AUTS2: variants seen among roughly 807,000 people sequenced by gnomAD.
AUTS2 encodes the protein autism susceptibility gene 2 protein.
Under a neutral mutation model 112.4 loss-of-function variants are expected in AUTS2, and 17 were observed. That is an observed-to-expected ratio of 0.15 (90% confidence interval 0.10 to 0.23). AUTS2 has a LOEUF of 0.23. Among genes scored for constraint, AUTS2 ranks in the 10% least tolerant of loss-of-function variants. AUTS2 has a pLI of 1.00. For synonymous variants in AUTS2, 751 were observed against 702.7 expected (o/e 1.07, Z -1.09); for missense variants, 1,510 against 1,701.6 (o/e 0.89, Z 1.98).
In AUTS2 at chr7:70,311,544, T is replaced by G. The variant is rs572009119; in HGVS notation, c.661-124208T>G. ...ATGGGGAAATCTCTTTTTGTTGTTG[T>G]TTTTTGTTTTGTTTTGTTTTGTTTT... On this transcript the variant is annotated intron_variant, in intron 4 of 18. Transcript: ENST00000342771. 3.9e-5 allele frequency among the ~76,000 whole-genome samples: 6 copies of G among 152,178 alleles called. No homozygotes were observed. The East Asian group carries it at 5.8e-4, about 15-fold the overall frequency.
At chr7:70,733,589 T>C (rs73445004) in intron 6 of AUTS2, among the ~76,000 whole-genome samples, 2,442 of 140,568 alleles carry the variant, frequency 0.017, 52 homozygotes, top group African/African-American at 0.061. Context: ...TCTACGTTAG[T>C]TTTTTGGGTT....
intron 5 of AUTS2, among the ~76,000 whole-genome samples, chr7:70,649,729 C>T (rs889768133): frequency 2.0e-5 from 3 of 152,010 alleles, no homozygotes; most frequent in African/African-American, 7.2e-5. Flanking sequence ...GGGCCTTCAC[C>T]ATGTTGGCCA....
At chr7:70,367,011 A>C (rs935391056) in intron 4 of AUTS2, among the ~76,000 whole-genome samples, 1 of 152,164 alleles carries the variant, frequency 6.6e-6, no homozygotes, top group Non-Finnish European at 1.5e-5. Context: ...TGGGCTGGGC[A>C]TGGTGGCTCA....
At chr7:70,165,528 C>T (rs1808335549) in intron 4 of AUTS2, among the ~76,000 whole-genome samples, 2 of 151,914 alleles carry the variant, frequency 1.3e-5, no homozygotes, top group Non-Finnish European at 2.9e-5. Context: ...GAACAAATAC[C>T]CTCAACCTAG....
intron 1 of AUTS2, among the ~76,000 whole-genome samples, chr7:69,712,728 G>T (rs1798386069): frequency 6.6e-6 from 1 of 151,946 alleles, no homozygotes; most frequent in East Asian, 1.9e-4. Context: ...GTTTCTCTTG[G>T]GTGATTATGT....
At chr7:70,590,341 C>T (rs141525242) in intron 5 of AUTS2, among the ~76,000 whole-genome samples, 231 of 152,218 alleles carry the variant, frequency 1.5e-3, no homozygotes, top group African/African-American at 4.8e-3. Flanking sequence ...GCCAAGTTCA[C>T]GGGCTGGTGA....
chr7:69,901,166 A>G (rs1015845299), intron 2 of AUTS2, among the ~76,000 whole-genome samples: 4 of 152,162 alleles, frequency 2.6e-5, no homozygotes, highest in African/African-American at 7.2e-5. Context: ...CCTAAGTTCT[A>G]TAAAAGGTGA....
intron 5 of AUTS2, among the ~76,000 whole-genome samples, chr7:70,628,001 A>G (rs1805039535): frequency 1.3e-5 from 2 of 152,284 alleles, no homozygotes; most frequent in South Asian, 4.2e-4. Flanking sequence ...CCCGTCTTTC[A>G]CCTGGCTGAT....
intron 2 of AUTS2, among the ~76,000 whole-genome samples, chr7:69,918,438 T>C (rs1165745860): frequency 6.6e-6 from 1 of 152,206 alleles, no homozygotes; most frequent in African/African-American, 2.4e-5. Flanking sequence ...AGTCTTTTCA[T>C]TGTTACGAGG....
chr7:70,082,120 C>T (rs981716191), intron 2 of AUTS2, among the ~76,000 whole-genome samples: 3 of 152,086 alleles, frequency 2.0e-5, no homozygotes, highest in African/African-American at 7.2e-5. Flanking sequence ...GGTTCCCTAC[C>T]TCTAAGATCC....
At chr7:69,997,142 A>T (rs1387305565) in intron 2 of AUTS2, among the ~76,000 whole-genome samples, 5 of 152,156 alleles carry the variant, frequency 3.3e-5, no homozygotes, top group African/African-American at 1.2e-4. Context: ...GAGCTGGCTT[A>T]ATTTATTTAA....
At chr7:69,608,122 T>G (rs1481248967) in intron 1 of AUTS2, among the ~76,000 whole-genome samples, 6 of 151,986 alleles carry the variant, frequency 3.9e-5, no homozygotes, top group Non-Finnish European at 7.4e-5. Context: ...TTTGTAGAGA[T>G]AGAGTTTTGC....
intron 1 of AUTS2, among the ~76,000 whole-genome samples, chr7:69,878,932 G>A (rs1429992830): frequency 6.6e-6 from 1 of 152,182 alleles, no homozygotes; most frequent in African/African-American, 2.4e-5. Flanking sequence ...CTCTTTCTGT[G>A]TTCTTACAGC....
At position 70,011,314 on chromosome 7, in the gene AUTS2, TCTCTCCTCTCCTCTC is replaced by T. The variant is rs71068006; in HGVS notation, c.523-106781_523-106767del. 3.3e-3 allele frequency among the ~76,000 whole-genome samples: 362 copies of T among 110,566 alleles called. 6 individuals are homozygous for T. In the Middle Eastern group the frequency reaches 0.048, roughly 15 times the overall value. 72.5% of individuals were successfully genotyped at this position (110,566 alleles called of 152,430 possible). On this transcript the variant is annotated intron_variant, in intron 2 of 18. Coordinates refer to ENST00000342771, the MANE Select transcript of AUTS2 (RefSeq NM_015570.4). ...TAGCCTCACCTCTCCTCTCCTTTCC[TCTCTCCTCTCCTCTC>T]CTCTCCTCTCCTCTCCTCTCCTCTC...
intron 4 of AUTS2, among the ~76,000 whole-genome samples, chr7:70,429,739 A>T (rs953434580): frequency 2.0e-5 from 3 of 152,210 alleles, no homozygotes; most frequent in African/African-American, 4.8e-5. Flanking sequence ...AATGTATTAT[A>T]TATATTTGTT....
chr7:70,444,373 T>TGTGA (rs372696006), intron 5 of AUTS2, among the ~76,000 whole-genome samples: 46 of 142,438 alleles, frequency 3.2e-4, no homozygotes, highest in African/African-American at 9.7e-4. Flanking sequence ...TGTGTGTGTG[T>TGTGA]GAGAGAGAGA....
chr7:69,725,230 T>C (rs1194207737), intron 1 of AUTS2, among the ~76,000 whole-genome samples: 1 of 152,162 alleles, frequency 6.6e-6, no homozygotes, highest in Admixed American at 6.5e-5. Flanking sequence ...ATCAAACACT[T>C]ACTGTATGCC....
chr7:70,212,876 T>TA (rs1164016105), intron 4 of AUTS2, among the ~76,000 whole-genome samples: 10 of 152,284 alleles, frequency 6.6e-5, no homozygotes, highest in African/African-American at 2.4e-4. Context: ...ACTTGGGACT[T>TA]TTCACTTTAC....
intron 2 of AUTS2, among the ~76,000 whole-genome samples, chr7:70,075,462 A>G (rs892191885): frequency 9.9e-5 from 15 of 152,206 alleles, no homozygotes; most frequent in Non-Finnish European, 2.9e-5. Flanking sequence ...TACATGAACT[A>G]CATGTATTTT....
Sources: gnomAD v4.1 joint callset for allele counts (sites outside exome capture counted in the v4.1 genomes callset) on GRCh38, gnomAD v4.1.1 for gene constraint, MANE v1.5 for transcripts, NCBI Gene and HGNC (gene_info 2026-07-23, HGNC 2026-07-21) for gene names.